The following MGST1 variants were observed in gnomAD, a reference collection of about 807,000 sequenced individuals.
The protein encoded by MGST1 is microsomal glutathione S-transferase 1, also known as glutathione S-transferase 12.
In MGST1, 5 loss-of-function variants were observed where a neutral mutation model predicts 8.9. The ratio of observed to expected loss-of-function variants is 0.56; its 90% CI spans 0.29 to 1.19. The LOEUF (loss-of-function observed/expected upper bound fraction) is 1.19. Ranked by LOEUF, MGST1 falls within the 50% of genes most tolerant of loss-of-function variation. The pLI is 0.08. For missense variants in MGST1, 182 were observed against 187.4 expected (o/e 0.97, Z 0.17); for synonymous variants, 54 against 67.8 (o/e 0.80, Z 1.00).
chr12:16,419,432 A>T (rs11056932), intron 1 of MGST1, among the ~76,000 whole-genome samples: 28,333 of 151,956 alleles, frequency 0.19, 3,099 homozygotes, highest in East Asian at 0.44. Context: ...TTCTTGGGGG[A>T]AGAGAGATAG....
intron 4 of MGST1, among the ~76,000 whole-genome samples, chr12:16,501,098 G>GAAAAAAAAAAAA (rs71054822): frequency 1.2e-5 from 1 of 83,824 alleles, no homozygotes; most frequent in Non-Finnish European, 2.2e-5. Context: ...ACTCTGTCTC[G>GAAAAAAAAAAAA]AAAAAAAAAA....
chr12:16,440,645 CTTCTT>C (rs1209295823), downstream of MGST1, among the ~76,000 whole-genome samples: 1 of 151,770 alleles, frequency 6.6e-6, no homozygotes, highest in Non-Finnish European at 1.5e-5. Flanking sequence ...TATCCATTCT[CTTCTT>C]CATGAGCACA....
intron 4 of MGST1, among the ~76,000 whole-genome samples, chr12:16,496,298 T>C (rs1941469452): frequency 6.6e-6 from 1 of 152,080 alleles, no homozygotes; most frequent in South Asian, 2.1e-4. Flanking sequence ...TGGCAGCATG[T>C]ATTACACACT....
intron 4 of MGST1, among the ~76,000 whole-genome samples, chr12:16,484,728 G>A (rs1941387644): frequency 6.6e-6 from 1 of 152,060 alleles, no homozygotes; most frequent in Admixed American, 6.6e-5. Flanking sequence ...AACAGCAAGG[G>A]GGAAACCATC....
chr12:16,401,115 A>G lies in MGST1; in HGVS notation n.778+17511A>G. ...CTTTCTCCTCCTCCTCCTTTTCCTCATCTTCGTTCCTTAGGAAAATACCCA... is the reference window on the plus strand; with the variant it reads ...CTTTCTCCTCCTCCTCCTTTTCCTCGTCTTCGTTCCTTAGGAAAATACCCA... On this transcript the variant is annotated intron_variant and non_coding_transcript_variant, in intron 1 of 1. Transcript: ENST00000359720. This position sits in a 1 kb window ranked among gnomAD's most constrained non-coding sequence, Gnocchi z 4.3. The G allele has an allele frequency of 6.3e-7, 1 of 1,579,408 alleles. No individual in the cohort carries two copies. Among genetic ancestry groups the G allele is most frequent in the Non-Finnish European group, 8.7e-7 (1 of 1,149,278 alleles).
rs890726894 is a variant in MGST1 at position 16,506,041 on chromosome 12, C to T, written n.483-83487C>T. ...TCTCTTAATTTTAAATGATTAGCTC[C>T]AATTATTTAAAGTATGATGTAAGAT... On this transcript the variant is annotated intron_variant and non_coding_transcript_variant, in intron 4 of 4. Transcript: ENST00000538857. Among the ~76,000 whole-genome samples, 3 of 152,010 alleles carry T rather than the reference C, an allele frequency of 2.0e-5. No individual in the cohort carries two copies. The South Asian group carries it at 6.2e-4, about 32-fold the overall frequency.
intron 4 of MGST1, among the ~76,000 whole-genome samples, chr12:16,532,295 G>A (rs2137201739): frequency 6.6e-6 from 1 of 152,090 alleles, no homozygotes; most frequent in Middle Eastern, 3.4e-3. Context: ...TGCTTGCTTG[G>A]GGCATAAAAA....
chr12:16,401,016 C>T lies in MGST1; in HGVS notation n.778+17412C>T. 2 of 1,556,118 alleles carry T rather than the reference C, an allele frequency of 1.3e-6. No individual in the cohort carries two copies. Among genetic ancestry groups the T allele is most frequent in the Non-Finnish European group, 1.8e-6 (2 of 1,127,670 alleles). ...TGATGTGCTCTTCACTTCTCTTCTG[C>T]AGTCATTTCATTCCTGTTCTTTCTG... On this transcript the variant is annotated intron_variant and non_coding_transcript_variant, in intron 1 of 1. Transcript: ENST00000359720. The surrounding 1 kb of genome is among the most constrained non-coding windows in gnomAD (Gnocchi z 4.3).
rs564355414 is a variant in MGST1 at position 16,537,052 on chromosome 12, C to A, written n.483-52476C>A. ...AGTCTCATCTGAGACAAGGCAAGTC[C>A]CTTCTGCCTATGAACCTGTAAAGTC... On this transcript the variant is annotated intron_variant and non_coding_transcript_variant, in intron 4 of 4. Coordinates refer to the MGST1 transcript ENST00000538857. The surrounding 1 kb of genome is among the most constrained non-coding windows in gnomAD (Gnocchi z 4.6). 2.0e-5 allele frequency among the ~76,000 whole-genome samples: 3 copies of A among 152,240 alleles called. No individual in the cohort carries two copies. The South Asian group carries it at 6.2e-4, about 32-fold the overall frequency.
chr12:16,395,842 C>T (rs964115515), intron 1 of MGST1, among the ~76,000 whole-genome samples: 1 of 148,184 alleles, frequency 6.7e-6, no homozygotes, highest in Non-Finnish European at 1.5e-5. Flanking sequence ...TTTCTTTATT[C>T]AGTCAGTAAT....
chr12:16,453,541 G>A (rs1266718715), intron 4 of MGST1, among the ~76,000 whole-genome samples: 1 of 151,830 alleles, frequency 6.6e-6, no homozygotes, highest in East Asian at 1.9e-4. Flanking sequence ...TATGAAATAA[G>A]GTATATCAGT....
At chr12:16,408,568 G>A (rs946244492) in intron 1 of MGST1, among the ~76,000 whole-genome samples, 3 of 151,956 alleles carry the variant, frequency 2.0e-5, no homozygotes, top group Non-Finnish European at 2.9e-5. Flanking sequence ...TTTGCTTCTG[G>A]CTGTTATTTT....
At chr12:16,457,918 G>A (rs552049656) in intron 4 of MGST1, among the ~76,000 whole-genome samples, 6 of 152,002 alleles carry the variant, frequency 3.9e-5, no homozygotes, top group African/African-American at 1.2e-4. Context: ...AGGAGGGGGA[G>A]GTGAAGGCAA....
chr12:16,484,488 G>A (rs11056955), intron 4 of MGST1, among the ~76,000 whole-genome samples: 123,679 of 152,018 alleles, frequency 0.81, 52,405 homozygotes, highest in East Asian at 0.97. Flanking sequence ...AAACTGGGTA[G>A]ATGGGTAATT....
At chr12:16,534,677 T>G (rs1591754154) in intron 4 of MGST1, among the ~76,000 whole-genome samples, 1 of 152,320 alleles carries the variant, frequency 6.6e-6, no homozygotes, top group East Asian at 1.9e-4. Flanking sequence ...CTTTGGGTTT[T>G]TATTTTTCTA....
chr12:16,488,260 T>A (rs1941413478), intron 4 of MGST1, among the ~76,000 whole-genome samples: 1 of 152,180 alleles, frequency 6.6e-6, no homozygotes, highest in South Asian at 2.1e-4. Context: ...CAAGCCCCTG[T>A]TTAAATTTAG....
In MGST1 at chr12:16,555,171, T is replaced by A. The variant is rs749806288; in HGVS notation, n.483-34357T>A. On this transcript the variant is annotated intron_variant and non_coding_transcript_variant, in intron 4 of 4. Coordinates refer to the MGST1 transcript ENST00000538857. This position sits in a 1 kb window ranked among gnomAD's most constrained non-coding sequence, Gnocchi z 5.5. Reference sequence around the variant, plus strand: ...ATACTTTATCAGAATTTGCTATCATTATTATTTGGTAATGATAATCTTTTC... The same window carrying A: ...ATACTTTATCAGAATTTGCTATCATAATTATTTGGTAATGATAATCTTTTC... Among the ~76,000 whole-genome samples, 1 of 152,238 alleles carries A rather than the reference T, an allele frequency of 6.6e-6. No individual in the cohort carries two copies. Among genetic ancestry groups the A allele is most frequent in the African/African-American group, 2.4e-5 (1 of 41,462 alleles).
At position 16,560,479 on chromosome 12, in the gene MGST1, A is replaced by G. The variant is rs774536860; in HGVS notation, n.483-29049A>G. On this transcript the variant is annotated intron_variant and non_coding_transcript_variant, in intron 4 of 4. Coordinates refer to the MGST1 transcript ENST00000538857. The surrounding 1 kb of genome is among the most constrained non-coding windows in gnomAD (Gnocchi z 5.0). ...AACATTGTCCTTGGCACGCATCACC[A>G]TCTCAAAGGCAGGGATGAGCTTACT... 6.2e-7 allele frequency: 1 copy of G among 1,614,018 alleles called. No individual in the cohort carries two copies. The highest frequency in any genetic ancestry group is 8.5e-7 in the Non-Finnish European group (1 of 1,179,912).
Position 16,586,304 on chromosome 12 carries a change from T to A in MGST1, n.483-3224T>A. On this transcript the variant is annotated intron_variant and non_coding_transcript_variant, in intron 4 of 4. Coordinates refer to the MGST1 transcript ENST00000538857. This position sits in a 1 kb window ranked among gnomAD's most constrained non-coding sequence, Gnocchi z 4.3. ...AGAGTGTTAAGATGTCATGATACGATGAAGTCCACATACGGAACAACTAAG... is the reference window on the plus strand; with the variant it reads ...AGAGTGTTAAGATGTCATGATACGAAGAAGTCCACATACGGAACAACTAAG... Among the ~76,000 whole-genome samples the A allele has an allele frequency of 6.6e-6, 1 of 152,180 alleles. No individual in the cohort carries two copies.
Sources: gnomAD v4.1 joint callset for allele counts (sites outside exome capture counted in the v4.1 genomes callset) on GRCh38, gnomAD v4.1.1 for gene constraint, Gnocchi (gnomAD v3.1) non-coding constraint, MANE v1.5 for transcripts, NCBI Gene and HGNC (gene_info 2026-07-23, HGNC 2026-07-21) for gene names.